Variants in LUC7L2 observed in about 807,000 individuals in gnomAD.
The protein encoded by LUC7L2 is putative RNA-binding protein Luc7-like 2.
In LUC7L2, 25 loss-of-function variants were observed where a neutral mutation model predicts 52.8. That is an observed-to-expected ratio of 0.47 (90% CI 0.34 to 0.66). The LOEUF (loss-of-function observed/expected upper bound fraction) is 0.66, where lower values mean the gene tolerates loss of function less well. LUC7L2 is among the 30% of genes least tolerant of loss of function. The pLI, the probability that LUC7L2 is intolerant of heterozygous loss-of-function variation, is 0.01. For missense variants in LUC7L2, 328 were observed against 497.8 expected, an observed-to-expected ratio of 0.66 and a Z score of 3.25; for synonymous variants, 144 against 160.9, an observed-to-expected ratio of 0.89 and a Z score of 0.80.
At position 139,385,572 on chromosome 7, in the gene LUC7L2, G is replaced by C. The variant is rs1001946247; in HGVS notation, c.156+9416G>C. On this transcript the variant is annotated intron_variant, in intron 2 of 9. Coordinates refer to ENST00000354926, the MANE Select transcript of LUC7L2 (RefSeq NM_016019.5). ...CTGGCCTCAAGGGATCCTCACACCTGGGCCTCTCAAACATGCTGGGATATG... is the reference window on the plus strand; with the variant it reads ...CTGGCCTCAAGGGATCCTCACACCTCGGCCTCTCAAACATGCTGGGATATG... 3.3e-5 allele frequency among the ~76,000 whole-genome samples: 5 copies of C among 151,828 alleles called. No individual in the cohort carries two copies. The East Asian group carries it at 9.7e-4, about 29-fold the overall frequency.
chr7:139,407,007 T>TTTTG (rs1554396351), intron 5 of LUC7L2, among the ~76,000 whole-genome samples, 167 bp from the exon 6 acceptor site: 5 of 146,950 alleles, frequency 3.4e-5, no homozygotes, highest in African/African-American at 1.3e-4. Flanking sequence ...TGTGGTTTTT[T>TTTTG]TTTTTTTTTT....
intron 8 of LUC7L2, among the ~76,000 whole-genome samples, chr7:139,413,433 A>T (rs969584551): frequency 6.6e-6 from 1 of 152,080 alleles, no homozygotes; most frequent in Non-Finnish European, 1.5e-5. Flanking sequence ...AGCTCTAGAG[A>T]CTATTTCCCA....
intron 2 of LUC7L2, among the ~76,000 whole-genome samples, chr7:139,381,364 A>AT (rs1801008196): frequency 1.1e-5 from 1 of 92,690 alleles, no homozygotes; most frequent in Non-Finnish European, 2.2e-5. Context: ...ATTTTATTTT[A>AT]TTTTATTTTA....
chr7:139,409,774 A>G (rs1795276016), intron 7 of LUC7L2, 120 bp downstream of exon 7: 5 of 1,353,802 alleles, frequency 3.7e-6, no homozygotes, highest in East Asian at 2.6e-5. Flanking sequence ...ACTTCTGCTT[A>G]CTTTAAAAAA....
At chr7:139,379,897 A>G (rs1800909145) in intron 2 of LUC7L2, among the ~76,000 whole-genome samples, 2 of 152,120 alleles carry the variant, frequency 1.3e-5, no homozygotes, top group South Asian at 4.1e-4. Context: ...TAATAAATTA[A>G]TCAGGGCTGG....
At chr7:139,398,738 T>C in intron 3 of LUC7L2, 41 bp downstream of exon 3, 1 of 1,568,864 alleles carries the variant, frequency 6.4e-7, no homozygotes, top group Non-Finnish European at 8.7e-7. Context: ...TATCTTTTGC[T>C]GTAAAACATT....
rs763751771 is a variant in LUC7L2 at position 139,412,586 on chromosome 7, T to G, written c.809+6T>G. 3.1e-6 allele frequency: 5 copies of G among 1,604,920 alleles called. No individual in the cohort carries two copies. In the Admixed American group the frequency reaches 6.9e-5, roughly 22 times the overall value. ...CACAGCAAGAATCCAAAAAGGTAGG[T>G]GTATTACATAAGACAGGTATAAGTA... On this transcript the variant is annotated splice_donor_region_variant and intron_variant, in intron 8 of 9. Transcript: ENST00000354926.
At chr7:139,395,066 C>A (rs1051158775) in intron 2 of LUC7L2, among the ~76,000 whole-genome samples, 15 of 152,134 alleles carry the variant, frequency 9.9e-5, no homozygotes, top group Admixed American at 2.0e-4. Context: ...AAAGTCTTTC[C>A]AACTGTGACA....
intron 2 of LUC7L2, among the ~76,000 whole-genome samples, chr7:139,394,095 A>G (rs1342637000): frequency 6.6e-6 from 1 of 152,046 alleles, no homozygotes; most frequent in Non-Finnish European, 1.5e-5. Flanking sequence ...CAAAACACTT[A>G]AGAAGGTAAG....
chr7:139,402,834 AGTTT>A (rs1794974069), intron 4 of LUC7L2, among the ~76,000 whole-genome samples: 2 of 152,160 alleles, frequency 1.3e-5, no homozygotes. Flanking sequence ...AGCTCTCTGC[AGTTT>A]AATCACATGT....
At chr7:139,374,109 T>C (rs963894251) in intron 1 of LUC7L2, among the ~76,000 whole-genome samples, 23 of 152,328 alleles carry the variant, frequency 1.5e-4, no homozygotes, top group African/African-American at 4.3e-4. Flanking sequence ...CACCAAAGTC[T>C]TGATGAAACA....
intron 9 of LUC7L2, 52 bp from the exon 10 acceptor site, chr7:139,422,111 T>G: frequency 6.5e-7 from 1 of 1,549,840 alleles, no homozygotes; most frequent in Non-Finnish European, 8.7e-7. Context: ...TTCTTTAATT[T>G]GGGTTTTTGG....
rs1218006079 is a variant in LUC7L2 at position 139,422,246 on chromosome 7, G to A, written c.1085G>A (p.Arg362Lys). 6.2e-7 allele frequency: 1 copy of A among 1,614,222 alleles called. No homozygotes were observed. The highest frequency in any genetic ancestry group is 1.7e-5 in the Admixed American group (1 of 60,020). The change falls in exon 10 of 10, where the codon AGA (arginine) becomes AAA (lysine). Residue 362 changes from arginine (R) to lysine (K), a missense_variant. Arg to Lys is a conservative substitution (Grantham distance 26). Transcript: ENST00000354926. Reference sequence around the variant, plus strand: ...TCAAGAGACAGATCACCTCGTGACAGAGATCGGAAAGATAAGAAGCGGTCC... The same window carrying A: ...TCAAGAGACAGATCACCTCGTGACAAAGATCGGAAAGATAAGAAGCGGTCC... ...RSSRDRSPRD[R>K]DRKDKKRSYE...
At position 139,383,705 on chromosome 7, in the gene LUC7L2, C is replaced by T. The variant is rs543295762; in HGVS notation, c.156+7549C>T. Among the ~76,000 whole-genome samples the T allele has an allele frequency of 2.6e-5, 4 of 151,162 alleles. No homozygotes were observed. In the South Asian group the frequency reaches 6.3e-4, roughly 24 times the overall value. ...TGCTGGGATTACAGATGAAAGCCAC[C>T]GCGCCCGGCCTTGATGTCTTTTTTT... On this transcript the variant is annotated intron_variant, in intron 2 of 9. Transcript: ENST00000354926.
At chr7:139,350,954 G>A (rs1339454581) in intron 1 of LUC7L2, among the ~76,000 whole-genome samples, 1 of 152,144 alleles carries the variant, frequency 6.6e-6, no homozygotes, top group Non-Finnish European at 1.5e-5. Flanking sequence ...GATTACAGGT[G>A]TGAGCCACTG....
intron 1 of LUC7L2, among the ~76,000 whole-genome samples, chr7:139,350,901 A>C (rs1024244160): frequency 3.3e-5 from 5 of 151,804 alleles, no homozygotes; most frequent in Non-Finnish European, 5.9e-5. Context: ...GTCTCCGACT[A>C]CTGACCTCGT....
intron 7 of LUC7L2, among the ~76,000 whole-genome samples, chr7:139,410,586 A>T (rs539032055): frequency 9.2e-5 from 14 of 152,290 alleles, no homozygotes; most frequent in Admixed American, 5.9e-4. Flanking sequence ...TTTGTAACTC[A>T]TCTTTTTAAC....
chr7:139,362,868 T>G (rs1233798301), intron 1 of LUC7L2, among the ~76,000 whole-genome samples: 2 of 152,168 alleles, frequency 1.3e-5, no homozygotes, highest in Admixed American at 1.3e-4. Flanking sequence ...TTTAAGTCTG[T>G]TAGTTAAATA....
At chr7:139,353,853 G>T (rs932774464) in intron 1 of LUC7L2, among the ~76,000 whole-genome samples, 1 of 151,960 alleles carries the variant, frequency 6.6e-6, no homozygotes, top group Non-Finnish European at 1.5e-5. Flanking sequence ...GGTGGCTCAC[G>T]CCTGTAATCC....
Sources: allele counts gnomAD v4.1 joint callset (sites outside exome capture counted in the v4.1 genomes callset), GRCh38; gene constraint gnomAD v4.1.1; transcripts MANE v1.5; gene names NCBI Gene and HGNC (gene_info 2026-07-23, HGNC 2026-07-21).